Variants in UBXN2B observed in about 807,000 individuals in gnomAD.
The protein encoded by UBXN2B is UBX domain protein 2B.
UBXN2B carries 19 observed loss-of-function variants against 37.5 expected under a neutral mutation model. That is an observed-to-expected ratio of 0.51 (90% CI 0.35 to 0.74). The LOEUF (loss-of-function observed/expected upper bound fraction) is 0.74. Among genes scored for constraint, UBXN2B ranks in the 30% least tolerant of loss-of-function variants. UBXN2B has a pLI of 0.01. For synonymous variants in UBXN2B, 145 were observed against 143.8 expected (o/e 1.01, Z -0.06); for missense variants, 370 against 393.2 (o/e 0.94, Z 0.50).
At chr8:58,438,673 A>T (rs1200027379) in intron 5 of UBXN2B, among the ~76,000 whole-genome samples, 1 of 152,198 alleles carries the variant, frequency 6.6e-6, no homozygotes, top group Non-Finnish European at 1.5e-5. Context: ...TTACAGGATT[A>T]TAGGTAGAAA....
At position 58,432,624 on chromosome 8, in the gene UBXN2B, C is replaced by T. The variant is rs549194058; in HGVS notation, c.340-536C>T. Among the ~76,000 whole-genome samples the T allele has an allele frequency of 1.1e-4, 16 of 152,150 alleles. No individual in the cohort carries two copies. The South Asian group carries it at 2.3e-3, about 22-fold the overall frequency. ...GTCTCGATCTCCTGACCTCGTGATC[C>T]GCCTGCCTCGGCCTCCCAAAGTGCT... On this transcript the variant is annotated intron_variant, in intron 3 of 7. Coordinates refer to ENST00000399598, the MANE Select transcript of UBXN2B (RefSeq NM_001077619.2).
chr8:58,425,518 A>G, intron 2 of UBXN2B: 2 of 1,092,654 alleles, frequency 1.8e-6, no homozygotes, highest in Non-Finnish European at 2.8e-6. Flanking sequence ...GGTATGATCA[A>G]AGGGCAGGTT....
chr8:58,437,710 A>G (rs1251457022), intron 5 of UBXN2B, among the ~76,000 whole-genome samples: 1 of 152,140 alleles, frequency 6.6e-6, no homozygotes, highest in African/African-American at 2.4e-5. Flanking sequence ...GGAGCAAATA[A>G]ATGATTTAAA....
intron 6 of UBXN2B, among the ~76,000 whole-genome samples, chr8:58,444,990 C>T (rs911015382): frequency 9.2e-5 from 14 of 152,118 alleles, no homozygotes; most frequent in African/African-American, 2.7e-4. Flanking sequence ...TAGATACATG[C>T]GTGTCTTTCT....
rs1771662452 is a variant in UBXN2B at position 58,451,446 on chromosome 8, A to C, written c.*3895A>C. The C allele has an allele frequency of 6.6e-6, 1 of 152,212 alleles. No homozygotes were observed. The highest frequency in any genetic ancestry group is 6.5e-5 in the Admixed American group (1 of 15,280). The allele number at this position is 152,212 out of a possible 1,614,324, so 9.4% of individuals were successfully genotyped here. ...GTCAGTCATTTTGCATGATGTATGT[A>C]ATCAAAAAGTTTGAAATGTCTGCTT... is the stretch of plus-strand genomic sequence containing the variant. On this transcript the variant is annotated 3_prime_UTR_variant, in exon 8 of 8. Coordinates refer to ENST00000399598, the MANE Select transcript of UBXN2B (RefSeq NM_001077619.2).
At chr8:58,446,779 A>ATTTTGTTTTTTTTT (rs1808682688) in intron 7 of UBXN2B, among the ~76,000 whole-genome samples, 4 of 17,402 alleles carry the variant, frequency 2.3e-4, no homozygotes, top group Admixed American at 1.8e-3. Flanking sequence ...TACAACCTGC[A>ATTTTGTTTTTTTTT]TTTTTTTTTT....
rs542025607 is a variant in UBXN2B, at chr8:58,438,481, A to G, written c.534-1152A>G. Among the ~76,000 whole-genome samples, 16 of 152,318 alleles carry G rather than the reference A, an allele frequency of 1.1e-4. 1 individual carries two copies. The South Asian group carries it at 3.3e-3, about 32-fold the overall frequency. ...CCTCTTGCACCAATATGCCCTGTAT[A>G]TGGGACGTGGCATCAAGGATTATTT... On this transcript the variant is annotated intron_variant, in intron 5 of 7. Transcript: ENST00000399598.
intron 1 of UBXN2B, among the ~76,000 whole-genome samples, chr8:58,416,294 A>C (rs1261116270): frequency 1.3e-5 from 2 of 152,086 alleles, no homozygotes; most frequent in Non-Finnish European, 2.9e-5. Flanking sequence ...ATAATTTGGT[A>C]ATATTACTTT....
chr8:58,436,300 A>G (rs1366582446), intron 5 of UBXN2B, among the ~76,000 whole-genome samples: 3 of 152,234 alleles, frequency 2.0e-5, no homozygotes, highest in Non-Finnish European at 2.9e-5. Context: ...TGGAGATTTC[A>G]AAGTATATTA....
At chr8:58,430,805 A>G in intron 3 of UBXN2B, 136 bp downstream of exon 3, 1 of 727,682 alleles carries the variant, frequency 1.4e-6, no homozygotes, top group Non-Finnish European at 1.9e-6. Flanking sequence ...ATAAAATTAT[A>G]ATATTTCTAT....
In UBXN2B at chr8:58,411,381, G is replaced by A; in HGVS notation, c.-5G>A. ...TCCGCAGCGGGCGCCGCTAGCCAGC[G>A]GAAGATGGCGGAGGGCGGAGGCCCT... On this transcript the variant is annotated 5_prime_UTR_variant, in exon 1 of 8. Transcript: ENST00000399598. 7.9e-7 allele frequency: 1 copy of A among 1,269,068 alleles called. No homozygotes were observed. The highest frequency in any genetic ancestry group is 1.0e-6 in the Non-Finnish European group (1 of 1,003,704). 78.6% of individuals were successfully genotyped at this position (1,269,068 alleles called of 1,614,324 possible). A position where few individuals can be genotyped will look rare whatever the true frequency, so the allele number is the denominator to read the frequency against.
chr8:58,438,526 G>A (rs992561924), intron 5 of UBXN2B, among the ~76,000 whole-genome samples: 1 of 152,234 alleles, frequency 6.6e-6, no homozygotes, highest in African/African-American at 2.4e-5. Flanking sequence ...AAGATTTAAT[G>A]TCTGCCCTGC....
At position 58,433,611 on chromosome 8, in the gene UBXN2B, T is replaced by TAA. The variant is rs34836809; in HGVS notation, c.423+387_423+388dup. ...AAAACATAGCCAGACCCTATCTCTT[T>TAA]AAAAAAAAAAAAAAAAAAAAGGTGT... is the stretch of plus-strand genomic sequence containing the variant. On this transcript the variant is annotated intron_variant, in intron 4 of 7. Transcript: ENST00000399598. Among the ~76,000 whole-genome samples the TAA allele has an allele frequency of 0.015, 1,711 of 117,980 alleles. 113 individuals carry two copies. In the East Asian group the frequency reaches 0.21, roughly 14 times the overall value. The allele number at this position is 117,980 out of a possible 152,430, so 77.4% of individuals were successfully genotyped here. A position where few individuals can be genotyped will look rare whatever the true frequency, so the allele number is the denominator to read the frequency against.
intron 3 of UBXN2B, among the ~76,000 whole-genome samples, chr8:58,430,884 A>T (rs1180366836): frequency 6.6e-6 from 1 of 152,214 alleles, no homozygotes; most frequent in African/African-American, 2.4e-5. Context: ...TTAATTACAA[A>T]ATAATTAGTA....
chr8:58,449,558 T>C lies in UBXN2B; in HGVS notation c.*2007T>C, dbSNP rs1207836617. ...ACTTGTGAACCTAGAAAACAAGTTA[T>C]CTGTTCCCAAGTATGATGGCATGAC... On this transcript the variant is annotated 3_prime_UTR_variant, in exon 8 of 8. Transcript: ENST00000399598. 3 of 152,192 alleles carry C rather than the reference T, an allele frequency of 2.0e-5. No homozygotes were observed. The highest frequency in any genetic ancestry group is 6.5e-5 in the Admixed American group (1 of 15,274). The allele number at this position is 152,192 out of a possible 1,614,324, so 9.4% of individuals were successfully genotyped here.
Position 58,440,019 on chromosome 8 carries a change from C to T in UBXN2B, c.671+249C>T, listed in dbSNP as rs182366673. On this transcript the variant is annotated intron_variant, in intron 6 of 7. Transcript: ENST00000399598. ...TTACCATGTTTGTGGCCCTCTAAGC[C>T]GTATACATGTGTTATCTCACTTAAT... Among the ~76,000 whole-genome samples, 24 of 152,186 alleles carry T rather than the reference C, an allele frequency of 1.6e-4. No individual in the cohort carries two copies. The East Asian group carries it at 2.1e-3, about 13-fold the overall frequency.
chr8:58,411,434 TCC>T lies in UBXN2B; in HGVS notation c.50_51del (p.Ser17TrpfsTer19). ...PEPGEQERRS[S>X]GPRPPSARDL... ...GCCCGGCGAGCAGGAGAGGAGGTCT[TCC>T]GGGCCGCGGCCTCCGAGCGCGCGGG... On this transcript the variant is annotated frameshift_variant, in exon 1 of 8. Coordinates refer to ENST00000399598, the MANE Select transcript of UBXN2B (RefSeq NM_001077619.2). LOFTEE classifies it high-confidence loss of function. 1 of 1,260,364 alleles carries T rather than the reference TCC, an allele frequency of 7.9e-7. No homozygotes were observed. 78.1% of individuals were successfully genotyped at this position (1,260,364 alleles called of 1,614,324 possible).
In UBXN2B at chr8:58,433,092, C is replaced by G. The variant is rs186920088; in HGVS notation, c.340-68C>G. The G allele has an allele frequency of 7.8e-4, 1,000 of 1,281,954 alleles. 10 individuals carry two copies. Among genetic ancestry groups the G allele is most frequent in the Non-Finnish European group, 2.3e-4 (209 of 896,292 alleles). The allele number at this position is 1,281,954 out of a possible 1,614,324, so 79.4% of individuals were successfully genotyped here. A position where few individuals can be genotyped will look rare whatever the true frequency, so the allele number is the denominator to read the frequency against. On this transcript the variant is annotated intron_variant, in intron 3 of 7. Coordinates refer to ENST00000399598, the MANE Select transcript of UBXN2B (RefSeq NM_001077619.2). The stretch of plus-strand genomic sequence containing the variant: ...TTAGAATTAATCTAGTTTTAAAATA[C>G]ATATCACATAATAACTTTTTGCTGA...
At position 58,432,375 on chromosome 8, in the gene UBXN2B, C is replaced by CTTTTT. The variant is rs34018318; in HGVS notation, c.340-764_340-760dup. ...ATTGCTTTTGTACCTTTCTAAATTT[C>CTTTTT]TTTTTTTTTTTTTTTTTTTTTTTTT... On this transcript the variant is annotated intron_variant, in intron 3 of 7. Transcript: ENST00000399598. 5.1e-3 allele frequency among the ~76,000 whole-genome samples: 419 copies of CTTTTT among 81,502 alleles called. 20 individuals are homozygous for CTTTTT. The highest frequency in any genetic ancestry group is 0.012 in the East Asian group (30 of 2,574). 53.5% of individuals were successfully genotyped at this position (81,502 alleles called of 152,430 possible).
Sources: gnomAD v4.1 joint callset for allele counts (sites outside exome capture counted in the v4.1 genomes callset) on GRCh38, gnomAD v4.1.1 for gene constraint, MANE v1.5 for transcripts, NCBI Gene and HGNC (gene_info 2026-07-23, HGNC 2026-07-21) for gene names.